The following CSMD1 variants were observed in gnomAD, a reference collection of about 807,000 sequenced individuals.
CSMD1 encodes CUB and sushi domain-containing protein 1.
A neutral mutation model predicts 417.5 loss-of-function variants in CSMD1; 213 were observed. The ratio of observed to expected loss-of-function variants is 0.51; its 90% confidence interval spans 0.46 to 0.57. The LOEUF (loss-of-function observed/expected upper bound fraction) is 0.57, where lower values mean the gene tolerates loss of function less well. CSMD1 is among the 20% of genes least tolerant of loss of function. The pLI is 0.00. For synonymous variants in CSMD1, 2,862 were observed against 1,736.8 expected (o/e 1.65, Z -16.11); for missense variants, 6,923 against 4,529.7 (o/e 1.53, Z -15.17).
At chr8:3,512,813 C>G (rs1233993902) in intron 10 of CSMD1, among the ~76,000 whole-genome samples, 4 of 151,900 alleles carry the variant, frequency 2.6e-5, no homozygotes, top group Admixed American at 2.6e-4. Context: ...ACCATGTTGG[C>G]TAGGATGGTC....
intron 1 of CSMD1, among the ~76,000 whole-genome samples, chr8:4,769,033 C>T (rs1041547384): frequency 6.6e-6 from 1 of 152,122 alleles, no homozygotes; most frequent in Non-Finnish European, 1.5e-5. Flanking sequence ...ACTACAAAGC[C>T]ATCTCGGGGA....
chr8:4,115,008 G>T (rs1195040292), intron 3 of CSMD1, among the ~76,000 whole-genome samples: 3 of 152,184 alleles, frequency 2.0e-5, no homozygotes, highest in Admixed American at 6.5e-5. Flanking sequence ...AAACCTAGTT[G>T]ATAATGCAGA....
chr8:3,803,852 T>C (rs1454515139), intron 5 of CSMD1, among the ~76,000 whole-genome samples: 2 of 152,066 alleles, frequency 1.3e-5, no homozygotes, highest in South Asian at 2.1e-4. Context: ...GGCAAAGAGG[T>C]GTGAAGCTAC....
rs553256195 is a variant in CSMD1, at chr8:2,964,470, G to A, written c.9281-1075C>T. The stretch of plus-strand genomic sequence containing the variant: ...GGGTCCCCTGGGGGCAGGGGGAATG[G>A]GAGGAGACAAGTTCAAGGAGGGACA... On this transcript the variant is annotated intron_variant, in intron 59 of 69. Transcript: ENST00000635120. 2.6e-5 allele frequency among the ~76,000 whole-genome samples: 4 copies of A among 152,336 alleles called. No homozygotes were observed. The South Asian group carries it at 8.3e-4, about 32-fold the overall frequency.
At chr8:4,137,021 T>C (rs1331919343) in intron 3 of CSMD1, among the ~76,000 whole-genome samples, 1 of 152,230 alleles carries the variant, frequency 6.6e-6, no homozygotes, top group East Asian at 1.9e-4. Context: ...CTGTGTATTT[T>C]TACAACATGA....
intron 2 of CSMD1, among the ~76,000 whole-genome samples, chr8:4,603,478 T>C (rs1800702630): frequency 6.6e-6 from 1 of 152,056 alleles, no homozygotes; most frequent in Non-Finnish European, 1.5e-5. Context: ...AAATGTTCCA[T>C]AAATAATAAA....
At chr8:3,236,562 G>C (rs1799166870) in intron 26 of CSMD1, among the ~76,000 whole-genome samples, 1 of 152,130 alleles carries the variant, frequency 6.6e-6, no homozygotes, top group African/African-American at 2.4e-5. Flanking sequence ...TTAAAGGCAA[G>C]AAAGCTTATT....
intron 3 of CSMD1, among the ~76,000 whole-genome samples, chr8:4,340,113 T>G (rs1800392144): frequency 6.6e-6 from 1 of 152,136 alleles, no homozygotes; most frequent in Non-Finnish European, 1.5e-5. Context: ...CTTAGAAGTT[T>G]TGTTAATCTC....
At chr8:4,105,906 C>A (rs547349522) in intron 3 of CSMD1, among the ~76,000 whole-genome samples, 1 of 152,320 alleles carries the variant, frequency 6.6e-6, no homozygotes, top group African/African-American at 2.4e-5. Context: ...CTGGCCCCTG[C>A]AGGCTTCAGC....
At chr8:4,604,089 C>T (rs2725085) in intron 2 of CSMD1, among the ~76,000 whole-genome samples, 45,670 of 151,822 alleles carry the variant, frequency 0.3, 8,280 homozygotes, top group African/African-American at 0.52. Context: ...TTATCATAGA[C>T]AGATAAACAA....
At chr8:3,150,243 G>A (rs763200190) in intron 40 of CSMD1, among the ~76,000 whole-genome samples, 15 of 152,280 alleles carry the variant, frequency 9.9e-5, no homozygotes, top group Middle Eastern at 6.8e-3. Context: ...CTTCCACAGA[G>A]TCTCTCCCTT....
intron 12 of CSMD1, among the ~76,000 whole-genome samples, chr8:3,456,987 C>T (rs1356447635): frequency 2.0e-5 from 3 of 151,698 alleles, no homozygotes; most frequent in African/African-American, 7.3e-5. Context: ...TCCCATAGCC[C>T]CTCATTTTGT....
chr8:4,396,262 G>A (rs1035892280), intron 3 of CSMD1, among the ~76,000 whole-genome samples: 1 of 151,232 alleles, frequency 6.6e-6, no homozygotes, highest in Non-Finnish European at 1.5e-5. Context: ...AGGTGTTTGA[G>A]ACCAGCTTGG....
rs145290749 is a variant in CSMD1 at position 3,412,139 on chromosome 8, T to A, written c.1562-2534A>T. ...ATATACACACGTATATATACATATA[T>A]ACATATATATACACACGTATATATA... is the stretch of plus-strand genomic sequence containing the variant. On this transcript the variant is annotated intron_variant, in intron 12 of 69. Coordinates refer to ENST00000635120, the MANE Select transcript of CSMD1 (RefSeq NM_033225.6). Among the ~76,000 whole-genome samples, 383 of 118,100 alleles carry A rather than the reference T, an allele frequency of 3.2e-3. 56 individuals carry two copies. Among genetic ancestry groups the A allele is most frequent in the Non-Finnish European group, 5.1e-3 (279 of 54,824 alleles). The allele number at this position is 118,100 out of a possible 152,430, so 77.5% of individuals were successfully genotyped here. A position where few individuals can be genotyped will look rare whatever the true frequency, so the allele number is the denominator to read the frequency against.
chr8:3,544,868 G>C (rs1054318672), intron 10 of CSMD1, among the ~76,000 whole-genome samples: 11 of 152,134 alleles, frequency 7.2e-5, no homozygotes, highest in Admixed American at 5.2e-4. Context: ...GCTATAGTAA[G>C]TAAAATGTCA....
At chr8:4,364,964 AAT>A (rs1477692633) in intron 3 of CSMD1, among the ~76,000 whole-genome samples, 1 of 151,826 alleles carries the variant, frequency 6.6e-6, no homozygotes, top group Admixed American at 6.6e-5. Context: ...CAAGGGATTT[AAT>A]ATGTTTAAAT....
chr8:3,359,182 C>G lies in CSMD1; in HGVS notation c.3274G>C (p.Val1092Leu). 6.2e-7 allele frequency: 1 copy of G among 1,614,022 alleles called. No individual in the cohort carries two copies. The highest frequency in any genetic ancestry group is 8.5e-7 in the Non-Finnish European group (1 of 1,179,956). ...KLTCLGGGRR[V>L]WSAPLPRCVA... ...CACCTTGGCAGAGGTGCACTCCACA[C>G]ACGGCGGCCCCCACCCAGGCAGGTA... Residue 1092 changes from valine (V) to leucine (L), a missense_variant, in exon 21 of 70, where the codon GTG becomes CTG. Coordinates refer to ENST00000635120, the MANE Select transcript of CSMD1 (RefSeq NM_033225.6).
chr8:3,531,214 C>G (rs535513478), intron 10 of CSMD1, among the ~76,000 whole-genome samples: 2 of 152,260 alleles, frequency 1.3e-5, no homozygotes, highest in Non-Finnish European at 2.9e-5. Context: ...TAATTTAAAA[C>G]AACCTAAAAT....
chr8:4,167,769 T>G (rs963378803), intron 3 of CSMD1, among the ~76,000 whole-genome samples: 19 of 152,264 alleles, frequency 1.2e-4, no homozygotes, highest in African/African-American at 4.6e-4. Flanking sequence ...GCAGGAGGAT[T>G]GCTTGAGTTC....
Sources: allele counts gnomAD v4.1 joint callset (sites outside exome capture counted in the v4.1 genomes callset), GRCh38; gene constraint gnomAD v4.1.1; transcripts MANE v1.5; gene names NCBI Gene and HGNC (gene_info 2026-07-23, HGNC 2026-07-21).